Variants in RTN4RL1 observed in about 807,000 individuals in gnomAD.
RTN4RL1 encodes the protein reticulon-4 receptor-like 1.
A neutral mutation model predicts 25.6 loss-of-function variants in RTN4RL1; 7 were observed. The observed-to-expected ratio is 0.27, with a 90% CI of 0.16 to 0.51. RTN4RL1 has a LOEUF of 0.51. Ranked by LOEUF, RTN4RL1 falls within the 20% of genes least tolerant of loss-of-function variation. RTN4RL1 has a pLI of 0.97. For missense variants in RTN4RL1, 500 were observed against 615.6 expected (o/e 0.81, Z 1.99); for synonymous variants, 297 against 288.2 (o/e 1.03, Z -0.31).
Position 1,937,107 on chromosome 17 carries a change from C to T in RTN4RL1, c.715G>A (p.Glu239Lys). 5.6e-6 allele frequency: 9 copies of T among 1,608,760 alleles called. No individual in the cohort carries two copies. The highest frequency in any genetic ancestry group is 6.8e-6 in the Non-Finnish European group (8 of 1,178,294). The stretch of plus-strand genomic sequence containing the variant: ...AGGGCCCCCAGCGGGGCCAGGCACT[C>T]ACCCTGCAGCTCCGAGAGGCTGTTG... ...FNNSLSELQG[E>K]CLAPLGALEF... Residue 239 changes from glutamate (E) to lysine (K), a missense_variant, in exon 2 of 2, where the codon GAG becomes AAG. By Grantham distance (56) the Glu-to-Lys change is moderately conservative. Coordinates refer to ENST00000331238, the MANE Select transcript of RTN4RL1 (RefSeq NM_178568.4).
chr17:2,011,208 G>A (rs183129192), intron 1 of RTN4RL1, among the ~76,000 whole-genome samples: 8 of 152,238 alleles, frequency 5.3e-5, no homozygotes, highest in Middle Eastern at 3.4e-3. Context: ...CCAAGATCGC[G>A]CCATTGCACT....
At chr17:1,945,262 A>T (rs541620505) in intron 1 of RTN4RL1, among the ~76,000 whole-genome samples, 6 of 151,800 alleles carry the variant, frequency 4.0e-5, no homozygotes, top group Admixed American at 3.3e-4. Flanking sequence ...CTCACCTATC[A>T]CCCAGGCTGG....
At chr17:1,981,070 C>T (rs2066865332) in intron 1 of RTN4RL1, among the ~76,000 whole-genome samples, 1 of 151,946 alleles carries the variant, frequency 6.6e-6, no homozygotes, top group Admixed American at 6.6e-5. Flanking sequence ...CCCTTGTGAC[C>T]CACAGGGAGT....
At chr17:1,973,125 C>T (rs990473947) in intron 1 of RTN4RL1, among the ~76,000 whole-genome samples, 3 of 151,440 alleles carry the variant, frequency 2.0e-5, no homozygotes, top group South Asian at 2.1e-4. Context: ...CACTTTGGGA[C>T]GCTGAGGCAG....
At chr17:1,948,228 GC>G (rs1427380738) in intron 1 of RTN4RL1, among the ~76,000 whole-genome samples, 1 of 152,082 alleles carries the variant, frequency 6.6e-6, no homozygotes, top group Non-Finnish European at 1.5e-5. Context: ...CATCGAGCCA[GC>G]CCCACCTGGT....
chr17:2,002,117 C>G (rs1034257207), intron 1 of RTN4RL1, among the ~76,000 whole-genome samples: 9 of 151,836 alleles, frequency 5.9e-5, no homozygotes, highest in Admixed American at 3.9e-4. Flanking sequence ...ATTTATTACC[C>G]TCAATTATTA....
At chr17:1,988,506 C>CAAAA (rs777393625) in intron 1 of RTN4RL1, among the ~76,000 whole-genome samples, 1 of 80,480 alleles carries the variant, frequency 1.2e-5, no homozygotes, top group Non-Finnish European at 2.3e-5. Flanking sequence ...GACTCTGTCT[C>CAAAA]AAAAAAAAAA....
intron 1 of RTN4RL1, among the ~76,000 whole-genome samples, chr17:1,974,984 C>G (rs2066836669): frequency 6.6e-6 from 1 of 152,184 alleles, no homozygotes; most frequent in Non-Finnish European, 1.5e-5. Context: ...AGCATTTAGC[C>G]CTTCCACTAC....
intron 1 of RTN4RL1, among the ~76,000 whole-genome samples, chr17:2,009,653 A>G (rs1451226229): frequency 8.0e-6 from 1 of 125,046 alleles, no homozygotes; most frequent in Non-Finnish European, 1.7e-5. Context: ...CTCAAACTGC[A>G]GCCTGGGCCA....
At chr17:1,972,541 C>T (rs11654792) in intron 1 of RTN4RL1, among the ~76,000 whole-genome samples, 2,815 of 152,198 alleles carry the variant, frequency 0.018, 35 homozygotes, top group Non-Finnish European at 0.03. Flanking sequence ...GGCCCCTCCC[C>T]TGCAACGCCC....
chr17:1,959,520 GTCACA>G (rs1255793583), intron 1 of RTN4RL1, among the ~76,000 whole-genome samples: 1 of 152,090 alleles, frequency 6.6e-6, no homozygotes, highest in Non-Finnish European at 1.5e-5. Flanking sequence ...CTCTTCTGTA[GTCACA>G]CCTGTCCCCA....
chr17:2,010,631 C>T (rs2067038495), intron 1 of RTN4RL1, among the ~76,000 whole-genome samples: 1 of 152,142 alleles, frequency 6.6e-6, no homozygotes, highest in South Asian at 2.1e-4. Context: ...GATCACAACT[C>T]ATTGCAGCCA....
intron 1 of RTN4RL1, among the ~76,000 whole-genome samples, chr17:1,980,049 G>A (rs1385941823): frequency 6.6e-6 from 1 of 151,956 alleles, no homozygotes; most frequent in East Asian, 1.9e-4. Flanking sequence ...ACTTGGCTCA[G>A]ATATATTTTT....
chr17:1,972,110 C>G (rs190245961), intron 1 of RTN4RL1, among the ~76,000 whole-genome samples: 27 of 151,744 alleles, frequency 1.8e-4, no homozygotes, highest in African/African-American at 6.0e-4. Context: ...TGCACTCCAG[C>G]TGGGCAACAG....
chr17:1,977,478 A>G (rs1165935857), intron 1 of RTN4RL1, among the ~76,000 whole-genome samples: 1 of 152,032 alleles, frequency 6.6e-6, no homozygotes, highest in Non-Finnish European at 1.5e-5. Context: ...CCTGAGGATG[A>G]CTTTCCCCAA....
rs1915333346 is a variant in RTN4RL1, at chr17:1,937,388, A to G, written c.434T>C (p.Phe145Ser). ...GTACTGCAGGCTGTGCAGGCCGCCA[A>G]AGACGCCGGCCGGCAAGGCGCTGAG... ...CGLSALPAGVFGGLHSLQYLY... is the reference protein window; with the variant it reads ...CGLSALPAGVSGGLHSLQYLY... The change falls in exon 2 of 2, where the codon TTT becomes TCT. Residue 145 changes from phenylalanine to serine, a missense_variant. Physicochemically the swap from Phe to Ser is radical, Grantham distance 155. This residue lies in a region of RTN4RL1 where 232 missense variants were observed against 341.1 expected (regional missense o/e 0.68). Transcript: ENST00000331238. The G allele has an allele frequency of 6.2e-7, 1 of 1,613,610 alleles. No individual in the cohort carries two copies.
At chr17:1,984,184 T>TC (rs889376726) in intron 1 of RTN4RL1, among the ~76,000 whole-genome samples, 33 of 152,198 alleles carry the variant, frequency 2.2e-4, no homozygotes, top group African/African-American at 6.3e-4. Context: ...ATGGATATTC[T>TC]CCCCCCTAAA....
intron 1 of RTN4RL1, among the ~76,000 whole-genome samples, chr17:2,004,612 C>A (rs1424042160): frequency 6.6e-6 from 1 of 152,168 alleles, no homozygotes; most frequent in Non-Finnish European, 1.5e-5. Context: ...CGAATGGAAA[C>A]CACTTTAAAA....
chr17:2,007,519 CT>C (rs111855352), intron 1 of RTN4RL1, among the ~76,000 whole-genome samples: 75 of 152,334 alleles, frequency 4.9e-4, no homozygotes, highest in African/African-American at 1.7e-3. Context: ...TTCTGCTCCC[CT>C]GCCTCTGCTC....
Sources: allele counts gnomAD v4.1 joint callset (sites outside exome capture counted in the v4.1 genomes callset), GRCh38; gene constraint gnomAD v4.1.1; regional missense constraint gnomAD v4.1.1; transcripts MANE v1.5; gene names NCBI Gene and HGNC (gene_info 2026-07-23, HGNC 2026-07-21).